The following RNMT variants were observed in gnomAD, a reference collection of about 807,000 sequenced individuals.
RNMT encodes RNA guanine-7 methyltransferase.
In RNMT, 27 loss-of-function variants were observed where a neutral mutation model predicts 56.0. The ratio of observed to expected loss-of-function variants is 0.48; its 90% confidence interval spans 0.36 to 0.67. The LOEUF is 0.67. Among genes scored for constraint, RNMT ranks in the 30% least tolerant of loss-of-function variants. The pLI is 0.00. For synonymous variants in RNMT, 184 were observed against 176.2 expected, an observed-to-expected ratio of 1.04 and a Z score of -0.35; for missense variants, 519 against 552.1, an observed-to-expected ratio of 0.94 and a Z score of 0.60.
At chr18:13,752,046 C>T (rs771642650) in intron 9 of RNMT, among the ~76,000 whole-genome samples, 65 of 151,924 alleles carry the variant, frequency 4.3e-4, no homozygotes, top group Non-Finnish European at 8.8e-4. Flanking sequence ...GTGCAGCAAA[C>T]CAACATGGCA....
intron 8 of RNMT, among the ~76,000 whole-genome samples, chr18:13,743,341 T>TA (rs2044289039): frequency 1.5e-4 from 2 of 12,952 alleles, no homozygotes; most frequent in African/African-American, 3.2e-4. Context: ...AATAAATAAA[T>TA]AAATAAATAA....
Position 13,748,916 on chromosome 18 carries a change from C to A in RNMT, c.1257+2579C>A, listed in dbSNP as rs536987067. Among the ~76,000 whole-genome samples the A allele has an allele frequency of 5.9e-5, 9 of 152,202 alleles. No individual in the cohort carries two copies. The South Asian group carries it at 1.9e-3, about 32-fold the overall frequency. ...CCAACATGGTAAAACCCCGTCTCTACTAAAAATACAAAATTAGCCAGGTGT... is the reference window on the plus strand; with the variant it reads ...CCAACATGGTAAAACCCCGTCTCTAATAAAAATACAAAATTAGCCAGGTGT... On this transcript the variant is annotated intron_variant, in intron 9 of 11. Transcript: ENST00000383314.
intron 5 of RNMT, among the ~76,000 whole-genome samples, chr18:13,739,534 G>A (rs560351115): frequency 6.6e-6 from 1 of 152,304 alleles, no homozygotes; most frequent in African/African-American, 2.4e-5. Context: ...ATAATCCCCA[G>A]CACTTTGGGA....
chr18:13,737,936 G>C (rs1366513757), intron 5 of RNMT, among the ~76,000 whole-genome samples: 1 of 150,726 alleles, frequency 6.6e-6, no homozygotes, highest in African/African-American at 2.4e-5. Context: ...TGAAATAATA[G>C]ATCTAGGCAA....
At chr18:13,757,315 C>T (rs2044559657) in intron 11 of RNMT, among the ~76,000 whole-genome samples, 1 of 152,018 alleles carries the variant, frequency 6.6e-6, no homozygotes, top group Non-Finnish European at 1.5e-5. Context: ...ATTGATTGAC[C>T]ATTCTTTCAC....
At chr18:13,734,392 GGTCAAATGTT>G in intron 3 of RNMT, 62 bp from the exon 4 acceptor site, 2 of 1,380,374 alleles carry the variant, frequency 1.4e-6, no homozygotes, top group Non-Finnish European at 2.0e-6. Flanking sequence ...TCCATTCACA[GGTCAAATGTT>G]CTGAGGCTTA....
At chr18:13,728,117 AG>A (rs968898144) in intron 1 of RNMT, among the ~76,000 whole-genome samples, 5 of 152,276 alleles carry the variant, frequency 3.3e-5, no homozygotes, top group African/African-American at 1.2e-4. Flanking sequence ...TTCATCGGAC[AG>A]GGGATTAACA....
At chr18:13,732,018 A>G (rs2044079067) in intron 3 of RNMT, 84 bp downstream of exon 3, 2 of 1,081,186 alleles carry the variant, frequency 1.8e-6, no homozygotes, top group African/African-American at 3.2e-5. Flanking sequence ...ACTGGTTTTT[A>G]CATAATAGCT....
chr18:13,754,995 G>A (rs112177954), intron 11 of RNMT, among the ~76,000 whole-genome samples: 2 of 152,172 alleles, frequency 1.3e-5, no homozygotes, highest in Non-Finnish European at 2.9e-5. Context: ...TTCAGCAGTG[G>A]GTGTTGAGGA....
intron 4 of RNMT, among the ~76,000 whole-genome samples, chr18:13,735,333 C>T (rs1223830677): frequency 6.6e-6 from 1 of 151,992 alleles, no homozygotes; most frequent in Non-Finnish European, 1.5e-5. Flanking sequence ...TACTAATTTT[C>T]AAAGATAAAT....
chr18:13,750,138 G>T (rs1299069844), intron 9 of RNMT, among the ~76,000 whole-genome samples: 1 of 152,174 alleles, frequency 6.6e-6, no homozygotes, highest in Non-Finnish European at 1.5e-5. Context: ...GGCACTTGAA[G>T]TAACTTGGAT....
At chr18:13,736,932 G>C (rs1486867790) in intron 4 of RNMT, 78 bp from the exon 5 acceptor site, 1 of 1,287,216 alleles carries the variant, frequency 7.8e-7, no homozygotes, top group Non-Finnish European at 1.1e-6. Context: ...AAAGATAGTA[G>C]GTTATTAGAG....
intron 1 of RNMT, among the ~76,000 whole-genome samples, chr18:13,727,781 C>T (rs573252561): frequency 1.2e-4 from 18 of 152,290 alleles, no homozygotes; most frequent in Middle Eastern, 6.8e-3. Context: ...CTGTGGTAAC[C>T]ACCAATCCAC....
At position 13,752,335 on chromosome 18, in the gene RNMT, G is replaced by A. The variant is rs1360600544; in HGVS notation, c.1267G>A (p.Ala423Thr). ...TCATTTCTTTCCCCAGCCATATCCT[G>A]CAAATGAGAGTTCTAAACTTGTCTC... ...KRMQALEPYP[A>T]NESSKLVSEK... Residue 423 changes from alanine to threonine, a missense_variant, in exon 10 of 12, where the codon GCA (alanine) becomes ACA (threonine). Ala to Thr is a moderately conservative substitution (Grantham distance 58, BLOSUM62 0). Transcript: ENST00000383314. 1.2e-6 allele frequency: 2 copies of A among 1,608,242 alleles called. No homozygotes were observed. Among genetic ancestry groups the A allele is most frequent in the Admixed American group, 3.3e-5 (2 of 59,924 alleles).
chr18:13,759,527 C>G (rs1481503070), intron 11 of RNMT, among the ~76,000 whole-genome samples: 1 of 151,566 alleles, frequency 6.6e-6, no homozygotes, highest in Non-Finnish European at 1.5e-5. Context: ...TATGTATGTT[C>G]CTTTAATTCT....
rs2044600928 is a variant in RNMT, at chr18:13,760,062, C to T, written c.*83C>T. 1 of 1,543,928 alleles carries T rather than the reference C, an allele frequency of 6.5e-7. No individual in the cohort carries two copies. Among genetic ancestry groups the T allele is most frequent in the Non-Finnish European group, 8.8e-7 (1 of 1,141,940 alleles). ...TCATCTCGATATATTTGATATTTCT[C>T]TGTCTGTTGATTTTAATTCTAAATG... On this transcript the variant is annotated 3_prime_UTR_variant, in exon 12 of 12. Transcript: ENST00000383314.
At chr18:13,728,696 T>C (rs1226559910) in intron 1 of RNMT, among the ~76,000 whole-genome samples, 1 of 152,174 alleles carries the variant, frequency 6.6e-6, no homozygotes, top group African/African-American at 2.4e-5. Flanking sequence ...TGAGATGGTA[T>C]CTCATTGTGG....
intron 4 of RNMT, among the ~76,000 whole-genome samples, 186 bp downstream of exon 4, chr18:13,734,785 A>G (rs757742939): frequency 1.3e-5 from 2 of 152,212 alleles, no homozygotes; most frequent in African/African-American, 4.8e-5. Flanking sequence ...TCAGAAGGCA[A>G]TATTTTTTTT....
At position 13,760,268 on chromosome 18, in the gene RNMT, C is replaced by A; in HGVS notation, c.*289C>A. The A allele has an allele frequency of 9.0e-7, 1 of 1,107,720 alleles. No homozygotes were observed. Among genetic ancestry groups the A allele is most frequent in the Non-Finnish European group, 1.1e-6 (1 of 907,910 alleles). 68.6% of individuals were successfully genotyped at this position (1,107,720 alleles called of 1,614,324 possible). A position where few individuals can be genotyped will look rare whatever the true frequency, so the allele number is the denominator to read the frequency against. ...CTTAGCTCATAAAAATATAATATGA[C>A]TTGATAAAGCAACTAAACTCTTTCC... On this transcript the variant is annotated 3_prime_UTR_variant, in exon 12 of 12. Coordinates refer to ENST00000383314, the MANE Select transcript of RNMT (RefSeq NM_003799.3).
Sources: gnomAD v4.1 joint callset for allele counts (sites outside exome capture counted in the v4.1 genomes callset) on GRCh38, gnomAD v4.1.1 for gene constraint, MANE v1.5 for transcripts, NCBI Gene and HGNC (gene_info 2026-07-23, HGNC 2026-07-21) for gene names.